Variants in ASXL3 observed in about 807,000 individuals in gnomAD.
The protein encoded by ASXL3 is ASXL transcriptional regulator 3, also known as putative Polycomb group protein ASXL3.
Under a neutral mutation model 170.6 loss-of-function variants are expected in ASXL3, and 34 were observed. That is an observed-to-expected ratio of 0.20 (90% CI 0.15 to 0.27). ASXL3 has a LOEUF of 0.27. ASXL3 is among the 10% of genes least tolerant of loss of function. The pLI is 1.00. For missense variants in ASXL3, 2,592 were observed against 2,695.3 expected (o/e 0.96, Z 0.85); for synonymous variants, 1,002 against 989.1 (o/e 1.01, Z -0.24).
intron 2 of ASXL3, among the ~76,000 whole-genome samples, chr18:33,621,600 C>T (rs936193308): frequency 1.3e-5 from 2 of 152,076 alleles, no homozygotes; most frequent in African/African-American, 4.8e-5. Flanking sequence ...CAGGACCTCA[C>T]CCAAAGGAAG....
chr18:33,690,605 A>G (rs2066671848), intron 8 of ASXL3, among the ~76,000 whole-genome samples: 1 of 152,120 alleles, frequency 6.6e-6, no homozygotes, highest in South Asian at 2.1e-4. Context: ...ATCCTAATCT[A>G]CTAACCCCAA....
At chr18:33,589,819 A>G (rs781313497) in intron 1 of ASXL3, among the ~76,000 whole-genome samples, 26 of 152,148 alleles carry the variant, frequency 1.7e-4, no homozygotes, top group Non-Finnish European at 2.4e-4. Flanking sequence ...AGAACTAATA[A>G]TGATTGGGTA....
intron 8 of ASXL3, among the ~76,000 whole-genome samples, chr18:33,713,387 AG>A (rs2067112941): frequency 7.0e-6 from 1 of 143,744 alleles, no homozygotes; most frequent in African/African-American, 2.6e-5. Flanking sequence ...CCTCCTCAGT[AG>A]CTGAGATTAC....
At chr18:33,627,577 C>T (rs2065621048) in intron 2 of ASXL3, among the ~76,000 whole-genome samples, 1 of 152,030 alleles carries the variant, frequency 6.6e-6, no homozygotes, top group African/African-American at 2.4e-5. Context: ...TCACTCTTTT[C>T]CTTGGGACCC....
intron 6 of ASXL3, among the ~76,000 whole-genome samples, chr18:33,671,058 TTTG>T (rs920701594): frequency 6.2e-4 from 94 of 152,130 alleles, no homozygotes; most frequent in African/African-American, 2.2e-3. Flanking sequence ...GTAGGCGAAT[TTTG>T]TTGTTGTTGT....
chr18:33,644,695 T>C (rs2065893823), intron 2 of ASXL3, among the ~76,000 whole-genome samples, 199 bp from the exon 3 acceptor site: 1 of 151,950 alleles, frequency 6.6e-6, no homozygotes, highest in Non-Finnish European at 1.5e-5. Flanking sequence ...TGATTAACTT[T>C]GGTGAAACTG....
At chr18:33,616,741 C>T (rs1243835999) in intron 2 of ASXL3, 1 of 152,112 alleles carries the variant, frequency 6.6e-6, no homozygotes, top group African/African-American at 2.4e-5. Flanking sequence ...GGGCTTTCTT[C>T]CTGGCTTGTA....
intron 4 of ASXL3, 110 bp downstream of exon 4, chr18:33,646,463 A>G (rs1382179979): frequency 2.7e-6 from 2 of 730,772 alleles, no homozygotes; most frequent in Middle Eastern, 2.9e-4. Flanking sequence ...GTTTTCTTCT[A>G]AATTTTTACC....
intron 8 of ASXL3, among the ~76,000 whole-genome samples, chr18:33,718,496 T>G (rs1190600728): frequency 1.3e-5 from 2 of 151,952 alleles, no homozygotes; most frequent in Non-Finnish European, 2.9e-5. Context: ...TGGTCAGGAG[T>G]CTGGGCACAG....
chr18:33,578,768 G>T (rs2064968095), intron 1 of ASXL3, 83 bp downstream of exon 1: 1 of 874,066 alleles, frequency 1.1e-6, no homozygotes, highest in Non-Finnish European at 1.5e-6. Flanking sequence ...GGCGGAGACG[G>T]CCACTTCCAG....
At position 33,585,939 on chromosome 18, in the gene ASXL3, G is replaced by A. The variant is rs576992200; in HGVS notation, c.54+7254G>A. Among the ~76,000 whole-genome samples the A allele has an allele frequency of 6.6e-5, 10 of 151,984 alleles. No homozygotes were observed. In the South Asian group the frequency reaches 1.0e-3, roughly 16 times the overall value. On this transcript the variant is annotated intron_variant, in intron 1 of 11. Coordinates refer to ENST00000269197, the MANE Select transcript of ASXL3 (RefSeq NM_030632.3). ...AACAATTGCACAATTGGTATTTTTGGCAAGTACACGTATTCCATTATTCTT... is the reference window on the plus strand; with the variant it reads ...AACAATTGCACAATTGGTATTTTTGACAAGTACACGTATTCCATTATTCTT...
intron 8 of ASXL3, among the ~76,000 whole-genome samples, chr18:33,685,729 A>G (rs2066584031): frequency 6.6e-6 from 1 of 152,186 alleles, no homozygotes; most frequent in African/African-American, 2.4e-5. Context: ...TCTTGGTAGA[A>G]GGTGAAGTCA....
intron 10 of ASXL3, among the ~76,000 whole-genome samples, chr18:33,734,696 A>G (rs2067515227): frequency 6.6e-6 from 1 of 152,180 alleles, no homozygotes; most frequent in Admixed American, 6.5e-5. Flanking sequence ...ATTTCTTAAT[A>G]GATTTGAGTA....
chr18:33,630,088 C>A (rs954919670), intron 2 of ASXL3, among the ~76,000 whole-genome samples: 1 of 151,888 alleles, frequency 6.6e-6, no homozygotes, highest in Admixed American at 6.6e-5. Flanking sequence ...AAAACAAGAA[C>A]TAGGTGTATT....
chr18:33,693,137 A>G (rs1038445630), intron 8 of ASXL3, among the ~76,000 whole-genome samples: 1 of 152,202 alleles, frequency 6.6e-6, no homozygotes, highest in African/African-American at 2.4e-5. Flanking sequence ...CATATTGAAC[A>G]TTTTGGAAGT....
chr18:33,651,599 T>G (rs551921640), intron 4 of ASXL3, among the ~76,000 whole-genome samples: 1 of 152,248 alleles, frequency 6.6e-6, no homozygotes, highest in East Asian at 1.9e-4. Flanking sequence ...AACATACCCT[T>G]GATGCGTTGA....
rs567948576 is a variant in ASXL3 at position 33,615,380 on chromosome 18, A to G, written c.137+7704A>G. On this transcript the variant is annotated intron_variant, in intron 2 of 11. Transcript: ENST00000269197. ...ATTTTGACCAAGCTTACCATTTTAT[A>G]TGGGCACTGTTCATGACACCCCAAA... Among the ~76,000 whole-genome samples the G allele has an allele frequency of 2.6e-5, 4 of 152,234 alleles. No homozygotes were observed. The East Asian group carries it at 7.7e-4, about 29-fold the overall frequency.
chr18:33,696,962 T>C (rs897540366), intron 8 of ASXL3, among the ~76,000 whole-genome samples: 1 of 152,198 alleles, frequency 6.6e-6, no homozygotes, highest in African/African-American at 2.4e-5. Flanking sequence ...ACATGTACTT[T>C]TTCCTGATTG....
chr18:33,669,329 C>A (rs902834604), intron 5 of ASXL3, among the ~76,000 whole-genome samples: 1 of 151,972 alleles, frequency 6.6e-6, no homozygotes, highest in Non-Finnish European at 1.5e-5. Flanking sequence ...GTATTTTTTG[C>A]CCCTCTCCCA....
Sources: allele counts gnomAD v4.1 joint callset (sites outside exome capture counted in the v4.1 genomes callset), GRCh38; gene constraint gnomAD v4.1.1; transcripts MANE v1.5; gene names NCBI Gene and HGNC (gene_info 2026-07-23, HGNC 2026-07-21).